The following ZNF418 variants were observed in gnomAD, a reference collection of about 807,000 sequenced individuals.
ZNF418 encodes the protein zinc finger protein 418.
Under a neutral mutation model 32.0 loss-of-function variants are expected in ZNF418, and 32 were observed. The ratio of observed to expected loss-of-function variants is 1.00; its 90% CI spans 0.75 to 1.34. The LOEUF is 1.34. Among genes scored for constraint, ZNF418 ranks in the 40% most tolerant of loss-of-function variants. The probability of loss-of-function intolerance (pLI) is 0.00; values close to 1 mark genes in which losing one functional copy is unlikely to be tolerated. For missense variants in ZNF418, 804 were observed against 812.5 expected (o/e 0.99, Z 0.13); for synonymous variants, 276 against 270.7 (o/e 1.02, Z -0.19).
At position 57,926,313 on chromosome 19, in the gene ZNF418, T is replaced by C; in HGVS notation, c.1868A>G (p.Glu623Gly). Reference protein sequence around the residue: ...HTRGKPYECSECGKSFAETFS... With the variant: ...HTRGKPYECSGCGKSFAETFS... Reference sequence around the variant, plus strand: ...GGTTTCAGCAAAGGATTTCCCACATTCGCTGCACTCGTAAGGCTTTCCTCG... The same window carrying C: ...GGTTTCAGCAAAGGATTTCCCACATCCGCTGCACTCGTAAGGCTTTCCTCG... Residue 623 changes from glutamate (E) to glycine (G), a missense_variant, in exon 4 of 6, where the codon GAA becomes GGA. This residue lies in a region of ZNF418 where 475 missense variants were observed against 458.6 expected (regional missense o/e 1.04). Transcript: ENST00000396147. The C allele has an allele frequency of 6.2e-7, 1 of 1,612,288 alleles. No homozygotes were observed. The highest frequency in any genetic ancestry group is 1.1e-5 in the South Asian group (1 of 91,048).
In ZNF418 at chr19:57,925,794, T is replaced by C. The variant is rs2072194037; in HGVS notation, c.*356A>G. 1 of 212,054 alleles carries C rather than the reference T, an allele frequency of 4.7e-6. No homozygotes were observed. Among genetic ancestry groups the C allele is most frequent in the African/African-American group, 2.3e-5 (1 of 43,454 alleles). The allele number at this position is 212,054 out of a possible 1,614,324, so 13.1% of individuals were successfully genotyped here. On this transcript the variant is annotated 3_prime_UTR_variant, in exon 4 of 6. Transcript: ENST00000396147. Reference sequence around the variant, plus strand: ...GGCAGGGTGAAAAATGCCACACAGCTCCAACATAATTGAGTTTATGCAGAT... The same window carrying C: ...GGCAGGGTGAAAAATGCCACACAGCCCCAACATAATTGAGTTTATGCAGAT...
chr19:57,924,697 T>C (rs1360480472), intron 4 of ZNF418, among the ~76,000 whole-genome samples: 1 of 152,208 alleles, frequency 6.6e-6, no homozygotes, highest in Non-Finnish European at 1.5e-5. Flanking sequence ...TTCCAGGACC[T>C]AGGGAACAGA....
chr19:57,928,143 T>C (rs1420606678), intron 3 of ZNF418, 96 bp from the exon 4 acceptor site: 13 of 1,052,052 alleles, frequency 1.2e-5, no homozygotes, highest in Middle Eastern at 2.2e-4. Flanking sequence ...AATTACTCCA[T>C]GGAAATATTT....
In ZNF418 at chr19:57,927,586, C is replaced by G; in HGVS notation, c.595G>C (p.Gly199Arg). 6.2e-7 allele frequency: 1 copy of G among 1,614,132 alleles called. No homozygotes were observed. Among genetic ancestry groups the G allele is most frequent in the Non-Finnish European group, 8.5e-7 (1 of 1,180,012 alleles). The change falls in exon 4 of 6, where the codon GGA becomes CGA. Residue 199 changes from glycine to arginine, a missense_variant. Transcript: ENST00000396147. The part of the protein sequence containing the change: ...KPECESPFQW[G>R]DTHYSCGECM... The stretch of plus-strand genomic sequence containing the variant: ...TCTCCACAGCTGTAATGAGTATCTC[C>G]CCACTGAAAGGGAGACTCACACTCA...
chr19:57,932,701 T>G (rs769266866), intron 2 of ZNF418: 2 of 1,276,884 alleles, frequency 1.6e-6, no homozygotes, highest in Non-Finnish European at 2.1e-6. Flanking sequence ...GCCCATCAGC[T>G]GTCCACCCCA....
chr19:57,933,737 T>C, intron 2 of ZNF418, 80 bp downstream of exon 2: 1 of 1,571,824 alleles, frequency 6.4e-7, no homozygotes. Flanking sequence ...AAAAGGAAAA[T>C]CTAGTTGCCA....
At position 57,926,540 on chromosome 19, in the gene ZNF418, A is replaced by C. The variant is rs1254533643; in HGVS notation, c.1641T>G (p.Phe547Leu). ...GTCGAAGGAGGGAAGAGCTCTGATG[A>C]AATGACTTTCCACATTCTCCACATT... The part of the protein sequence containing the change: ...PYECGECGKS[F>L]HQSSSLLRHQ... Residue 547 changes from phenylalanine to leucine, a missense_variant, in exon 4 of 6, where the codon TTT becomes TTG. Transcript: ENST00000396147. The C allele has an allele frequency of 6.2e-7, 1 of 1,614,066 alleles. No homozygotes were observed. Among genetic ancestry groups the C allele is most frequent in the East Asian group, 2.2e-5 (1 of 44,874 alleles).
intron 2 of ZNF418, among the ~76,000 whole-genome samples, chr19:57,931,044 G>A (rs903649982): frequency 6.6e-6 from 1 of 152,072 alleles, no homozygotes; most frequent in Non-Finnish European, 1.5e-5. Flanking sequence ...CAAAGTGTTG[G>A]GATTATAGGC....
At chr19:57,931,534 T>C (rs1020899369) in intron 2 of ZNF418, among the ~76,000 whole-genome samples, 6 of 152,128 alleles carry the variant, frequency 3.9e-5, no homozygotes, top group Non-Finnish European at 8.8e-5. Flanking sequence ...CACAGGCACA[T>C]GTCACGGCCA....
chr19:57,927,332 T>C lies in ZNF418; in HGVS notation c.849A>G (p.Lys283=), dbSNP rs773221310. 1.2e-6 allele frequency: 2 copies of C among 1,614,044 alleles called. No homozygotes were observed. Among genetic ancestry groups the C allele is most frequent in the East Asian group, 4.5e-5 (2 of 44,852 alleles). Residue 283 remains lysine, a synonymous_variant, in exon 4 of 6, where the codon AAA becomes AAG. Transcript: ENST00000396147. ...LVQHQRVHTG[K]RPYECGECGK... ...CACATTCTCCACATTCATAAGGTCTTTTCCCAGTGTGAACTCGCTGATGCT... is the reference window on the plus strand; with the variant it reads ...CACATTCTCCACATTCATAAGGTCTCTTCCCAGTGTGAACTCGCTGATGCT...
At chr19:57,930,044 G>A (rs184476803) in intron 3 of ZNF418, among the ~76,000 whole-genome samples, 2 of 152,342 alleles carry the variant, frequency 1.3e-5, no homozygotes, top group African/African-American at 4.8e-5. Context: ...GACAACGGGA[G>A]TGATGGCAAT....
rs774222602 is a variant in ZNF418 at position 57,927,433 on chromosome 19, T to G, written c.748A>C (p.Arg250=). The G allele has an allele frequency of 6.2e-7, 1 of 1,614,168 alleles. No individual in the cohort carries two copies. The change falls in exon 4 of 6, where the codon AGA becomes CGA. Residue 250 remains arginine (R), a synonymous_variant. Coordinates refer to ENST00000396147, the MANE Select transcript of ZNF418 (RefSeq NM_133460.3). The part of the protein sequence containing the change: ...SKYDSVSNHQ[R]VHTGKRPYEC... ...TAAGGTCTTTTCCCAGTGTGAACTC[T>G]CTGATGATTACTGACGCTATCATAT...
Position 57,928,305 on chromosome 19 carries a change from G to T in ZNF418, c.134-258C>A, listed in dbSNP as rs186916518. Among the ~76,000 whole-genome samples, 8 of 151,516 alleles carry T rather than the reference G, an allele frequency of 5.3e-5. No homozygotes were observed. In the East Asian group the frequency reaches 1.2e-3, roughly 22 times the overall value. Reference sequence around the variant, plus strand: ...GGTCTACAATTTTTTTTTTCTTCTTGAGAGACAGGATCTCACTCTGTCATC... The same window carrying T: ...GGTCTACAATTTTTTTTTTCTTCTTTAGAGACAGGATCTCACTCTGTCATC... On this transcript the variant is annotated intron_variant, in intron 3 of 5. Coordinates refer to ENST00000396147, the MANE Select transcript of ZNF418 (RefSeq NM_133460.3).
At chr19:57,932,566 T>C in intron 2 of ZNF418, 2 of 1,533,850 alleles carry the variant, frequency 1.3e-6, no homozygotes, top group South Asian at 1.2e-5. Context: ...TGTGTTGCAC[T>C]TGGTGACCCC....
intron 2 of ZNF418, chr19:57,932,343 T>A: frequency 7.9e-7 from 1 of 1,267,578 alleles, no homozygotes. Flanking sequence ...GCACATCACA[T>A]TGGCCTTTCA....
At chr19:57,928,851 G>A (rs554589434) in intron 3 of ZNF418, among the ~76,000 whole-genome samples, 41 of 152,032 alleles carry the variant, frequency 2.7e-4, no homozygotes, top group Admixed American at 8.5e-4. Flanking sequence ...AAAATTAGCC[G>A]GGCGTGGTGG....
At chr19:57,931,609 T>G (rs1002489156) in intron 2 of ZNF418, among the ~76,000 whole-genome samples, 3 of 152,206 alleles carry the variant, frequency 2.0e-5, no homozygotes, top group Non-Finnish European at 4.4e-5. Flanking sequence ...CAGTTTTGGT[T>G]TCTTTTAGTC....
Position 57,927,705 on chromosome 19 carries a change from G to A in ZNF418, c.476C>T (p.Ser159Phe). 1 of 1,614,246 alleles carries A rather than the reference G, an allele frequency of 6.2e-7. No homozygotes were observed. Among genetic ancestry groups the A allele is most frequent in the Non-Finnish European group, 8.5e-7 (1 of 1,180,048 alleles). ...GTCCTTTCCACTCTGAATGAAGATAGATGACTCCTCTGACACATGGAACTT... is the reference window on the plus strand; with the variant it reads ...GTCCTTTCCACTCTGAATGAAGATAAATGACTCCTCTGACACATGGAACTT... ...RCKFHVSEES[S>F]IFIQSGKDFL... The change falls in exon 4 of 6, where the codon TCT (serine) becomes TTT (phenylalanine). Residue 159 changes from serine to phenylalanine, a missense_variant. By Grantham distance (155) the Ser-to-Phe change is radical. Around this residue, in one of 3 missense-constraint regions of ZNF418, gnomAD observed 307 missense variants for 304.9 expected, o/e 1.01. Transcript: ENST00000396147.
intron 5 of ZNF418, 30 bp from the exon 6 acceptor site, chr19:57,922,659 T>A (rs542889827): frequency 2.5e-6 from 1 of 398,354 alleles, no homozygotes; most frequent in South Asian, 1.3e-4. Context: ...AGTTATACAT[T>A]TGATACTTAA....
Sources: gnomAD v4.1 joint callset for allele counts (sites outside exome capture counted in the v4.1 genomes callset) on GRCh38, gnomAD v4.1.1 for gene constraint, gnomAD v4.1.1 regional missense constraint, MANE v1.5 for transcripts, NCBI Gene and HGNC (gene_info 2026-07-23, HGNC 2026-07-21) for gene names.